GLT8D2: variants seen among roughly 807,000 people sequenced by gnomAD.
The protein encoded by GLT8D2 is glycosyltransferase 8 domain containing 2, also known as glycosyltransferase 8 domain-containing protein 2.
Under a neutral mutation model 44.5 loss-of-function variants are expected in GLT8D2, and 45 were observed. The observed-to-expected ratio is 1.01, with a 90% confidence interval of 0.80 to 1.30. The LOEUF (loss-of-function observed/expected upper bound fraction) is 1.30, where lower values mean the gene tolerates loss of function less well. Ranked by LOEUF, GLT8D2 falls within the 50% of genes most tolerant of loss-of-function variation. GLT8D2 has a pLI of 0.00. For missense variants in GLT8D2, 400 were observed against 430.4 expected (o/e 0.93, Z 0.62); for synonymous variants, 156 against 157.2 (o/e 0.99, Z 0.06).
At chr12:104,060,148 C>A (rs192571807) in intron 1 of GLT8D2, among the ~76,000 whole-genome samples, 1 of 152,192 alleles carries the variant, frequency 6.6e-6, no homozygotes, top group Admixed American at 6.5e-5. Context: ...CTCTATGAAA[C>A]CCTCTTTGCC....
At chr12:104,013,847 T>C (rs1478829529) in intron 4 of GLT8D2, among the ~76,000 whole-genome samples, 1 of 152,194 alleles carries the variant, frequency 6.6e-6, no homozygotes, top group Non-Finnish European at 1.5e-5. Context: ...GCTCAAGTGA[T>C]CCTCTCATTC....
intron 1 of GLT8D2, among the ~76,000 whole-genome samples, chr12:104,041,933 G>A (rs555168733): frequency 3.3e-5 from 5 of 152,166 alleles, no homozygotes; most frequent in African/African-American, 4.8e-5. Flanking sequence ...AAGATACTCC[G>A]TTCATTCTTA....
chr12:104,035,503 C>T (rs753795648), intron 1 of GLT8D2, among the ~76,000 whole-genome samples: 6 of 152,078 alleles, frequency 3.9e-5, no homozygotes, highest in Admixed American at 1.3e-4. Context: ...AACCATGGCA[C>T]GAGAACTATG....
At chr12:104,062,381 C>T (rs1566219543) in intron 1 of GLT8D2, among the ~76,000 whole-genome samples, 1 of 151,292 alleles carries the variant, frequency 6.6e-6, no homozygotes, top group African/African-American at 2.4e-5. Context: ...CCTGAGAATT[C>T]CTTTTTAAAA....
intron 1 of GLT8D2, among the ~76,000 whole-genome samples, chr12:104,041,867 C>A (rs1039342421): frequency 3.9e-5 from 6 of 152,190 alleles, no homozygotes; most frequent in African/African-American, 1.4e-4. Flanking sequence ...CAAGGAGGGG[C>A]ACCTGACCAG....
intron 10 of GLT8D2, among the ~76,000 whole-genome samples, chr12:103,990,538 C>A (rs1163823491): frequency 2.0e-5 from 3 of 152,060 alleles, no homozygotes; most frequent in African/African-American, 7.2e-5. Flanking sequence ...CTATAGTGTT[C>A]GACTTTCTTT....
At chr12:104,012,497 A>C in intron 4 of GLT8D2, 1 of 267,922 alleles carries the variant, frequency 3.7e-6, no homozygotes, top group Non-Finnish European at 7.0e-6. Flanking sequence ...CTGTTTTAAA[A>C]CCTATCCACT....
chr12:103,996,481 A>G (rs1873439674), intron 8 of GLT8D2, among the ~76,000 whole-genome samples: 1 of 152,206 alleles, frequency 6.6e-6, no homozygotes, highest in Non-Finnish European at 1.5e-5. Context: ...CAAAGTAGAC[A>G]TGATTGTTCC....
chr12:104,039,096 A>G (rs1195915487), intron 1 of GLT8D2, among the ~76,000 whole-genome samples: 1 of 152,198 alleles, frequency 6.6e-6, no homozygotes, highest in Non-Finnish European at 1.5e-5. Flanking sequence ...AGCCATACAT[A>G]GAAAGCTGAA....
chr12:104,025,857 A>G (rs1259771611), intron 1 of GLT8D2, among the ~76,000 whole-genome samples: 1 of 151,708 alleles, frequency 6.6e-6, no homozygotes, highest in Non-Finnish European at 1.5e-5. Flanking sequence ...AGAGGATGAC[A>G]TGTGTCCCAA....
intron 1 of GLT8D2, among the ~76,000 whole-genome samples, chr12:104,059,269 C>T (rs911383498): frequency 1.1e-4 from 16 of 152,138 alleles, no homozygotes; most frequent in African/African-American, 3.4e-4. Context: ...CAGGATCCAT[C>T]TTTTCTTGAT....
intron 1 of GLT8D2, among the ~76,000 whole-genome samples, chr12:104,062,332 C>T (rs1258174743): frequency 1.3e-5 from 2 of 152,082 alleles, no homozygotes; most frequent in African/African-American, 2.4e-5. Context: ...CTCGGCCTCT[C>T]AAAGTGCTGG....
intron 1 of GLT8D2, among the ~76,000 whole-genome samples, chr12:104,027,317 A>G (rs1054656442): frequency 2.6e-5 from 4 of 152,106 alleles, no homozygotes; most frequent in African/African-American, 9.7e-5. Flanking sequence ...ACTTTCGGGG[A>G]TGATGGAAGC....
At chr12:103,997,985 T>C (rs941330388) in intron 6 of GLT8D2, among the ~76,000 whole-genome samples, 2 of 151,096 alleles carry the variant, frequency 1.3e-5, no homozygotes, top group Non-Finnish European at 2.9e-5. Flanking sequence ...AAGCTCAACC[T>C]TTTAGCTCCT....
At chr12:104,019,744 G>T in intron 2 of GLT8D2, 68 bp from the exon 3 acceptor site, 1 of 965,554 alleles carries the variant, frequency 1.0e-6, no homozygotes, top group South Asian at 1.5e-5. Context: ...CAAGTGTTAA[G>T]GACTATGCCT....
chr12:104,037,333 T>C, intron 1 of GLT8D2, among the ~76,000 whole-genome samples: 1 of 151,902 alleles, frequency 6.6e-6, no homozygotes, highest in East Asian at 1.9e-4. Flanking sequence ...CTGAAGGAGA[T>C]AGAGACACAA....
At chr12:104,006,068 T>A (rs943947064) in intron 4 of GLT8D2, among the ~76,000 whole-genome samples, 6 of 152,002 alleles carry the variant, frequency 3.9e-5, no homozygotes, top group Non-Finnish European at 5.9e-5. Flanking sequence ...AAAGGATGAG[T>A]TCATGTCCTT....
At chr12:104,052,396 A>G, upstream of GLT8D2, among the ~76,000 whole-genome samples, 1 of 152,212 alleles carries the variant, frequency 6.6e-6, no homozygotes, top group South Asian at 2.1e-4. Flanking sequence ...ATTTGCCCCA[A>G]TTTACAGATG....
At chr12:104,061,938 T>C (rs1369826425) in intron 1 of GLT8D2, among the ~76,000 whole-genome samples, 3 of 144,488 alleles carry the variant, frequency 2.1e-5, no homozygotes, top group Non-Finnish European at 4.5e-5. Context: ...ATCGGCGCCA[T>C]TACACCCCAG....
Sources: allele counts gnomAD v4.1 joint callset (sites outside exome capture counted in the v4.1 genomes callset), GRCh38; gene constraint gnomAD v4.1.1; transcripts MANE v1.5; gene names NCBI Gene and HGNC (gene_info 2026-07-23, HGNC 2026-07-21).